HNRNPH3: variants seen among roughly 807,000 people sequenced by gnomAD.
HNRNPH3 encodes heterogeneous nuclear ribonucleoprotein H3, also known as heterogeneous nuclear ribonucleoprotein 2H9.
Under a neutral mutation model 47.0 loss-of-function variants are expected in HNRNPH3, and 7 were observed. That is an observed-to-expected ratio of 0.15 (90% CI 0.08 to 0.28). The LOEUF is 0.28. Ranked by LOEUF, HNRNPH3 falls within the 10% of genes least tolerant of loss-of-function variation. The probability of loss-of-function intolerance (pLI) is 1.00; values close to 1 mark genes in which losing one functional copy is unlikely to be tolerated. For missense variants in HNRNPH3, 279 were observed against 449.6 expected (o/e 0.62, Z 3.43); for synonymous variants, 120 against 143.2 (o/e 0.84, Z 1.16).
chr10:68,335,590 C>T (rs1165535739), intron 1 of HNRNPH3, among the ~76,000 whole-genome samples: 1 of 151,930 alleles, frequency 6.6e-6, no homozygotes, highest in Non-Finnish European at 1.5e-5. Flanking sequence ...TTTAATAATT[C>T]TCAGTTCTTT....
chr10:68,338,711 G>C, intron 4 of HNRNPH3, 24 bp downstream of exon 4: 1 of 1,512,698 alleles, frequency 6.6e-7, no homozygotes, highest in Non-Finnish European at 8.9e-7. Context: ...ATGAACAAAG[G>C]TTCTGTTGTC....
rs1323228383 is a variant in HNRNPH3 at position 68,341,262 on chromosome 10, C to T, written c.728C>T (p.Thr243Ile). 1 of 1,606,444 alleles carries T rather than the reference C, an allele frequency of 6.2e-7. No individual in the cohort carries two copies. The highest frequency in any genetic ancestry group is 1.1e-5 in the South Asian group (1 of 89,168). ...ATGEADVEFV[T>I]HEDAVAAMSK... ...GGAGAAGCAGATGTAGAGTTTGTGA[C>T]ACATGAAGATGCAGTAGCTGCCATG... is the stretch of plus-strand genomic sequence containing the variant. The change falls in exon 7 of 10, where the codon ACA (threonine) becomes ATA (isoleucine). Residue 243 changes from threonine (T) to isoleucine (I), a missense_variant. By Grantham distance (89) the Thr-to-Ile change is moderately conservative. Coordinates refer to ENST00000265866, the MANE Select transcript of HNRNPH3 (RefSeq NM_012207.3).
chr10:68,333,366 AAC>A (rs2045327364), intron 1 of HNRNPH3, among the ~76,000 whole-genome samples: 1 of 152,132 alleles, frequency 6.6e-6, no homozygotes, highest in Admixed American at 6.5e-5. Context: ...ACTTTTGGGA[AAC>A]AGTTAAAACA....
At position 68,341,764 on chromosome 10, in the gene HNRNPH3, C is replaced by G. The variant is rs2045969018; in HGVS notation, c.877C>G (p.Gln293Glu). The G allele has an allele frequency of 6.2e-7, 1 of 1,600,610 alleles. No individual in the cohort carries two copies. ...TTTCTTTTTTCTTTTTAAAGATAAT[C>G]AGGGAGGCTATGGATCAGTTGGAAG... Reference protein sequence around the residue: ...GGYGRDGMDNQGGYGSVGRMG... With the variant: ...GGYGRDGMDNEGGYGSVGRMG... The change falls in exon 9 of 10, where the codon CAG becomes GAG. Residue 293 changes from glutamine to glutamate, a missense_variant. Gln to Glu is a conservative substitution (Grantham distance 29, BLOSUM62 2). Around this residue, in one of 2 missense-constraint regions of HNRNPH3, gnomAD observed 239 missense variants for 335.8 expected, o/e 0.71. Transcript: ENST00000265866.
rs1225701119 is a variant in HNRNPH3 at position 68,342,715 on chromosome 10, A to G, written c.*661A>G. On this transcript the variant is annotated 3_prime_UTR_variant, in exon 10 of 10. Coordinates refer to ENST00000265866, the MANE Select transcript of HNRNPH3 (RefSeq NM_012207.3). ...CTAGATTTTGGAGTAAAACCCCTTCAGCACTTGACCGAAATACCAAAAATG... is the reference window on the plus strand; with the variant it reads ...CTAGATTTTGGAGTAAAACCCCTTCGGCACTTGACCGAAATACCAAAAATG... 6.6e-6 allele frequency: 1 copy of G among 152,650 alleles called. No homozygotes were observed. The highest frequency in any genetic ancestry group is 2.4e-5 in the African/African-American group (1 of 41,450). The allele number at this position is 152,650 out of a possible 1,614,324, so 9.5% of individuals were successfully genotyped here. A position where few individuals can be genotyped will look rare whatever the true frequency, so the allele number is the denominator to read the frequency against.
chr10:68,333,402 G>A (rs1202932373), intron 1 of HNRNPH3, among the ~76,000 whole-genome samples: 1 of 152,104 alleles, frequency 6.6e-6, no homozygotes, highest in Admixed American at 6.6e-5. Context: ...AGATGTGTGT[G>A]TATTGAAATT....
chr10:68,334,588 C>G (rs2045433442), intron 1 of HNRNPH3, among the ~76,000 whole-genome samples: 2 of 152,148 alleles, frequency 1.3e-5, no homozygotes, highest in Non-Finnish European at 2.9e-5. Flanking sequence ...TGCTGGCATC[C>G]TCCCTCCCCT....
intron 1 of HNRNPH3, among the ~76,000 whole-genome samples, chr10:68,336,569 T>C (rs1248654696): frequency 1.3e-5 from 2 of 152,330 alleles, no homozygotes; most frequent in Non-Finnish European, 2.9e-5. Context: ...TCAGTTTTAA[T>C]CTGATTAATT....
chr10:68,339,204 TGAC>T lies in HNRNPH3; in HGVS notation c.502_504del (p.Asp168del). On this transcript the variant is annotated inframe_deletion, in exon 5 of 10. Transcript: ENST00000265866. ...ACGGCTATGGGAATGATGGCTTTGA[TGAC>T]AGAATGAGAGATGGAAGAGGTAAAA... 1 of 1,602,782 alleles carries T rather than the reference TGAC, an allele frequency of 6.2e-7. No homozygotes were observed. The highest frequency in any genetic ancestry group is 8.5e-7 in the Non-Finnish European group (1 of 1,169,814).
chr10:68,335,331 A>G lies in HNRNPH3; in HGVS notation c.-23-1868A>G, dbSNP rs192534304. 2.9e-3 allele frequency among the ~76,000 whole-genome samples: 439 copies of G among 150,446 alleles called. 1 individual carries two copies. Among genetic ancestry groups the G allele is most frequent in the Admixed American group, 7.4e-3 (112 of 15,104 alleles). Reference sequence around the variant, plus strand: ...AAGGTCGAATTTGCAGAGTTCTTCAATTTTTCATGAAGCAGTGAGGGTAGA... The same window carrying G: ...AAGGTCGAATTTGCAGAGTTCTTCAGTTTTTCATGAAGCAGTGAGGGTAGA... On this transcript the variant is annotated intron_variant, in intron 1 of 9. Coordinates refer to ENST00000265866, the MANE Select transcript of HNRNPH3 (RefSeq NM_012207.3).
At chr10:68,336,670 G>A (rs2045560682) in intron 1 of HNRNPH3, 2 of 152,232 alleles carry the variant, frequency 1.3e-5, no homozygotes, top group South Asian at 4.1e-4. Context: ...ACAGTTTGAT[G>A]TGTTCAAAAT....
intron 1 of HNRNPH3, among the ~76,000 whole-genome samples, chr10:68,334,125 T>TCA (rs2045397739): frequency 3.9e-5 from 6 of 152,196 alleles, no homozygotes; most frequent in Admixed American, 2.0e-4. Context: ...GAACTAACAT[T>TCA]TTAGAGACCT....
At chr10:68,335,108 C>T (rs1387700665) in intron 1 of HNRNPH3, among the ~76,000 whole-genome samples, 1 of 149,254 alleles carries the variant, frequency 6.7e-6, no homozygotes, top group Non-Finnish European at 1.5e-5. Context: ...ACACTGATAA[C>T]ACTTTTTTTG....
In HNRNPH3 at chr10:68,342,115, A is replaced by G. The variant is rs1277121329; in HGVS notation, c.*61A>G. On this transcript the variant is annotated 3_prime_UTR_variant, in exon 10 of 10. Coordinates refer to ENST00000265866, the MANE Select transcript of HNRNPH3 (RefSeq NM_012207.3). The stretch of plus-strand genomic sequence containing the variant: ...CATCTGGTCTACTAGACTTTCTTAC[A>G]GATTTAATTTCTTTTGTATTTTAAG... 4 of 1,173,960 alleles carry G rather than the reference A, an allele frequency of 3.4e-6. No homozygotes were observed. Among genetic ancestry groups the G allele is most frequent in the Non-Finnish European group, 4.8e-6 (4 of 830,990 alleles). The allele number at this position is 1,173,960 out of a possible 1,614,324, so 72.7% of individuals were successfully genotyped here. A position where few individuals can be genotyped will look rare whatever the true frequency, so the allele number is the denominator to read the frequency against.
intron 1 of HNRNPH3, among the ~76,000 whole-genome samples, chr10:68,333,709 G>T (rs766338220): frequency 6.6e-6 from 1 of 152,146 alleles, no homozygotes; most frequent in Non-Finnish European, 1.5e-5. Context: ...CAGTACAAAA[G>T]GGAGGAGAAA....
At chr10:68,336,118 T>C (rs2045532513) in intron 1 of HNRNPH3, among the ~76,000 whole-genome samples, 1 of 152,206 alleles carries the variant, frequency 6.6e-6, no homozygotes, top group South Asian at 2.1e-4. Context: ...TAGTGAATGC[T>C]GTTGATACGA....
chr10:68,342,122 ATTTC>A lies in HNRNPH3; in HGVS notation c.*72_*75del, dbSNP rs539423584. The A allele has an allele frequency of 8.1e-6, 9 of 1,117,336 alleles. No individual in the cohort carries two copies. The African/African-American group carries it at 1.4e-4, about 18-fold the overall frequency. 69.2% of individuals were successfully genotyped at this position (1,117,336 alleles called of 1,614,324 possible). On this transcript the variant is annotated 3_prime_UTR_variant, in exon 10 of 10. Transcript: ENST00000265866. ...TCTACTAGACTTTCTTACAGATTTAATTTCTTTTGTATTTTAAGAACTTTATAAT... is the reference window on the plus strand; with the variant it reads ...TCTACTAGACTTTCTTACAGATTTAATTTTGTATTTTAAGAACTTTATAAT...
chr10:68,336,963 A>G (rs1183829247), intron 1 of HNRNPH3: 3 of 366,934 alleles, frequency 8.2e-6, no homozygotes, highest in African/African-American at 4.2e-5. Flanking sequence ...ATTAGGCAAT[A>G]TATAATATTG....
chr10:68,336,427 T>C (rs184259174), intron 1 of HNRNPH3, among the ~76,000 whole-genome samples: 26 of 152,320 alleles, frequency 1.7e-4, no homozygotes, highest in African/African-American at 5.8e-4. Context: ...TTAAAAAGTA[T>C]ATTACCTATT....
Sources: allele counts gnomAD v4.1 joint callset (sites outside exome capture counted in the v4.1 genomes callset), GRCh38; gene constraint gnomAD v4.1.1; regional missense constraint gnomAD v4.1.1; transcripts MANE v1.5; gene names NCBI Gene and HGNC (gene_info 2026-07-23, HGNC 2026-07-21).